Variants in TRRAP observed in about 807,000 individuals in gnomAD.
The protein encoded by TRRAP is transformation/transcription domain associated protein, also known as transformation/transcription domain-associated protein.
A neutral mutation model predicts 438.8 loss-of-function variants in TRRAP; 41 were observed. That is an observed-to-expected ratio of 0.09 (90% CI 0.07 to 0.12). The LOEUF is 0.12. Ranked by LOEUF, TRRAP falls within the 10% of genes least tolerant of loss-of-function variation. The pLI is 1.00. For missense variants in TRRAP, 3,122 were observed against 5,055.1 expected (o/e 0.62, Z 11.60); for synonymous variants, 1,994 against 1,962.9 (o/e 1.02, Z -0.42).
chr7:98,999,532 T>C (rs1793823881), intron 67 of TRRAP: 2 of 726,260 alleles, frequency 2.8e-6, no homozygotes, highest in Non-Finnish European at 5.0e-6. Context: ...CACCAGGGTC[T>C]CTTGCTTAAG....
In TRRAP at chr7:98,948,794, T is replaced by C; in HGVS notation, c.4788+109T>C. The stretch of plus-strand genomic sequence containing the variant: ...ACTATTCAGTGTCCTGGCTGCTTTT[T>C]TTTCAGATCCATTTGAATATTGGAA... On this transcript the variant is annotated intron_variant, in intron 35 of 72. Coordinates refer to ENST00000456197, the MANE Select transcript of TRRAP (RefSeq NM_001375524.1). The surrounding 1 kb of genome is among the most constrained non-coding windows in gnomAD (Gnocchi z 4.9). 1.3e-6 allele frequency: 2 copies of C among 1,539,448 alleles called. No individual in the cohort carries two copies.
chr7:98,906,328 A>G (rs1285821138), intron 13 of TRRAP, 73 bp downstream of exon 13: 6 of 1,281,970 alleles, frequency 4.7e-6, no homozygotes, highest in African/African-American at 1.5e-5. Flanking sequence ...TCATGTTACA[A>G]GTGTTTCAAT....
chr7:98,962,448 G>A, intron 47 of TRRAP, 21 bp downstream of exon 47: 6 of 1,613,918 alleles, frequency 3.7e-6, no homozygotes, highest in Non-Finnish European at 5.1e-6. Flanking sequence ...GTCTGTCCTG[G>A]TGTTCGTGGT....
At chr7:98,903,343 TC>T in intron 11 of TRRAP, 35 bp from the exon 12 acceptor site, 1 of 1,611,706 alleles carries the variant, frequency 6.2e-7, no homozygotes, top group African/African-American at 1.3e-5. Context: ...CACTCTCCTA[TC>T]CCTGTAACTG....
At chr7:98,979,972 T>C (rs1264803400) in intron 58 of TRRAP, among the ~76,000 whole-genome samples, 1 of 152,118 alleles carries the variant, frequency 6.6e-6, no homozygotes, top group Admixed American at 6.6e-5. Flanking sequence ...AGAGATGCCG[T>C]TTTTCTTAGT....
Position 98,962,433 on chromosome 7 carries a change from T to C in TRRAP, c.6829+6T>C. On this transcript the variant is annotated splice_donor_region_variant and intron_variant, in intron 47 of 72. Coordinates refer to ENST00000456197, the MANE Select transcript of TRRAP (RefSeq NM_001375524.1). ...CAATCCCTCCCAGCTCTTCGGTGAG[T>C]GTGTGTCTGTCCTGGTGTTCGTGGT... 1.2e-6 allele frequency: 2 copies of C among 1,613,980 alleles called. No individual in the cohort carries two copies. The highest frequency in any genetic ancestry group is 1.7e-6 in the Non-Finnish European group (2 of 1,179,972).
chr7:98,907,311 G>A (rs1796820024), intron 13 of TRRAP, among the ~76,000 whole-genome samples: 2 of 151,014 alleles, frequency 1.3e-5, no homozygotes, highest in Admixed American at 1.3e-4. Flanking sequence ...CAATAAGAGT[G>A]AAACTCTGTC....
At chr7:98,895,674 G>C in intron 6 of TRRAP, 90 bp from the exon 7 acceptor site, 1 of 1,101,754 alleles carries the variant, frequency 9.1e-7, no homozygotes, top group Non-Finnish European at 1.3e-6. Flanking sequence ...GAGTTCTTAC[G>C]TAGTAAGACA....
intron 3 of TRRAP, among the ~76,000 whole-genome samples, chr7:98,883,211 T>A (rs1425440848): frequency 1.3e-5 from 2 of 152,246 alleles, no homozygotes; most frequent in African/African-American, 2.4e-5. Flanking sequence ...ATTTCTGATC[T>A]TCTGAGAATT....
chr7:98,896,915 G>A (rs1796235474), intron 7 of TRRAP, among the ~76,000 whole-genome samples: 1 of 150,420 alleles, frequency 6.6e-6, no homozygotes, highest in Non-Finnish European at 1.5e-5. Context: ...GCGAAGGTTG[G>A]CAGTGAGGTC....
chr7:98,902,680 A>G (rs1796521601), intron 11 of TRRAP, among the ~76,000 whole-genome samples: 1 of 152,120 alleles, frequency 6.6e-6, no homozygotes, highest in African/African-American at 2.4e-5. Context: ...TTCTGCTGAC[A>G]CCGCAAAAGA....
chr7:98,995,202 C>A (rs763948966), intron 67 of TRRAP, among the ~76,000 whole-genome samples: 4 of 152,056 alleles, frequency 2.6e-5, no homozygotes, highest in African/African-American at 9.7e-5. Context: ...TTAGTGTGAA[C>A]CAGTAGGAGA....
intron 3 of TRRAP, among the ~76,000 whole-genome samples, chr7:98,884,798 G>A (rs1299081510): frequency 6.6e-6 from 1 of 152,118 alleles, no homozygotes; most frequent in Non-Finnish European, 1.5e-5. Flanking sequence ...ATTGTACCTA[G>A]GCAGAGGGCC....
intron 67 of TRRAP, among the ~76,000 whole-genome samples, chr7:98,995,342 GT>G (rs568760787): frequency 1.3e-5 from 2 of 150,838 alleles, no homozygotes; most frequent in South Asian, 4.2e-4. Flanking sequence ...GGGAGACAGG[GT>G]CCGGTGGGCC....
Position 98,949,605 on chromosome 7 carries a change from C to T in TRRAP, c.4953+24C>T, listed in dbSNP as rs781791385. On this transcript the variant is annotated intron_variant, in intron 36 of 72. Transcript: ENST00000456197. ...AGGTAGCGCCCCTTCCTCCAGCCCC[C>T]AATGCCCAGGGGTTTAATCGAGACA... The T allele has an allele frequency of 6.9e-6, 11 of 1,586,596 alleles. No individual in the cohort carries two copies. The East Asian group carries it at 1.8e-4, about 26-fold the overall frequency.
intron 66 of TRRAP, among the ~76,000 whole-genome samples, 176 bp downstream of exon 66, chr7:98,993,913 G>C (rs1211711651): frequency 6.6e-6 from 1 of 152,196 alleles, no homozygotes; most frequent in East Asian, 1.9e-4. Context: ...CAGCCTTAAA[G>C]ATTCAAAGTA....
At chr7:98,989,672 T>C (rs219821) in intron 63 of TRRAP, among the ~76,000 whole-genome samples, 45,473 of 152,178 alleles carry the variant, frequency 0.3, 11,210 homozygotes, top group African/African-American at 0.68. Flanking sequence ...CACGCACTGC[T>C]TCAGTGCCTG....
rs201053093 is a variant in TRRAP at position 98,880,262 on chromosome 7, GTT to G, written c.-61-812_-61-811del. Among the ~76,000 whole-genome samples the G allele has an allele frequency of 1.6e-3, 213 of 132,110 alleles. 3 individuals carry two copies. The highest frequency in any genetic ancestry group is 4.3e-3 in the African/African-American group (149 of 35,024). 86.7% of individuals were successfully genotyped at this position (132,110 alleles called of 152,430 possible). ...CTGCCTGCGTTTTGTTGTTGTTGTT[GTT>G]TTTTTTTTTTTTTTTCCGAGACTGA... is the stretch of plus-strand genomic sequence containing the variant. On this transcript the variant is annotated intron_variant, in intron 1 of 72. Transcript: ENST00000456197.
Position 98,905,615 on chromosome 7 carries a change from C to T in TRRAP, c.1037-562C>T, listed in dbSNP as rs550752687. ...AGAGTAAGTTTAGGGGTGGTTCCAC[C>T]TGCAGGAATAGAGCAAGAGAGGAAC... On this transcript the variant is annotated intron_variant, in intron 12 of 72. Transcript: ENST00000456197. 3.9e-5 allele frequency among the ~76,000 whole-genome samples: 6 copies of T among 152,284 alleles called. No individual in the cohort carries two copies. In the East Asian group the frequency reaches 1.2e-3, roughly 29 times the overall value.
Sources: allele counts gnomAD v4.1 joint callset (sites outside exome capture counted in the v4.1 genomes callset), GRCh38; gene constraint gnomAD v4.1.1; non-coding constraint Gnocchi (gnomAD v3.1); transcripts MANE v1.5; gene names NCBI Gene and HGNC (gene_info 2026-07-23, HGNC 2026-07-21).